The following CTTNBP2 variants were observed in gnomAD, a reference collection of about 807,000 sequenced individuals.
The protein encoded by CTTNBP2 is cortactin-binding protein 2.
CTTNBP2 carries 108 observed loss-of-function variants against 156.9 expected under a neutral mutation model. That is an observed-to-expected ratio of 0.69 (90% CI 0.59 to 0.81). CTTNBP2 has a LOEUF of 0.81. CTTNBP2 is among the 30% of genes least tolerant of loss of function. CTTNBP2 has a pLI of 0.00. For synonymous variants in CTTNBP2, 767 were observed against 751.8 expected, an observed-to-expected ratio of 1.02 and a Z score of -0.33; for missense variants, 1,924 against 2,035.4, an observed-to-expected ratio of 0.95 and a Z score of 1.05.
chr7:117,867,557 T>C (rs556782197), intron 1 of CTTNBP2, among the ~76,000 whole-genome samples: 1 of 152,094 alleles, frequency 6.6e-6, no homozygotes, highest in East Asian at 1.9e-4. Context: ...CCCCACCATA[T>C]ACACTTTGGG....
At chr7:117,798,070 G>A (rs954668326) in intron 3 of CTTNBP2, among the ~76,000 whole-genome samples, 2 of 151,978 alleles carry the variant, frequency 1.3e-5, no homozygotes, top group East Asian at 1.9e-4. Context: ...GACATATTAC[G>A]TACAGAGAAT....
chr7:117,770,497 T>C (rs1797743322), intron 8 of CTTNBP2, among the ~76,000 whole-genome samples: 1 of 152,180 alleles, frequency 6.6e-6, no homozygotes, highest in South Asian at 2.1e-4. Flanking sequence ...CAACAACTAT[T>C]TGAGCACATA....
At chr7:117,844,702 G>T (rs1419441877) in intron 2 of CTTNBP2, among the ~76,000 whole-genome samples, 6 of 152,152 alleles carry the variant, frequency 3.9e-5, no homozygotes, top group Admixed American at 3.9e-4. Context: ...CTGAATATGT[G>T]AGTGGGACAG....
At chr7:117,769,464 A>C (rs1797693181) in intron 8 of CTTNBP2, among the ~76,000 whole-genome samples, 1 of 152,188 alleles carries the variant, frequency 6.6e-6, no homozygotes, top group African/African-American at 2.4e-5. Context: ...GGCCCTGTTC[A>C]GGTTAGAGGG....
chr7:117,774,972 C>T (rs1488092231), intron 8 of CTTNBP2, among the ~76,000 whole-genome samples: 2 of 152,114 alleles, frequency 1.3e-5, no homozygotes, highest in Non-Finnish European at 2.9e-5. Context: ...GAAGAACTAT[C>T]TCAGCCAGAA....
chr7:117,826,645 A>G (rs1274853651), intron 2 of CTTNBP2, among the ~76,000 whole-genome samples: 1 of 152,038 alleles, frequency 6.6e-6, no homozygotes, highest in Non-Finnish European at 1.5e-5. Flanking sequence ...CCATTTTCTA[A>G]GCAATCCTAT....
chr7:117,846,654 T>TTCA (rs1563063514), intron 2 of CTTNBP2, among the ~76,000 whole-genome samples: 6 of 152,140 alleles, frequency 3.9e-5, no homozygotes, highest in Non-Finnish European at 7.4e-5. Flanking sequence ...AACATTTGAA[T>TTCA]TGCCTGTAAA....
rs1797761670 is a variant in CTTNBP2, at chr7:117,770,863, C to A, written c.2779-3687G>T. 3.3e-5 allele frequency among the ~76,000 whole-genome samples: 5 copies of A among 152,212 alleles called. No homozygotes were observed. In the South Asian group the frequency reaches 1.0e-3, roughly 32 times the overall value. ...TTCTGGAAATAGAGTCCCGGGGGCC[C>A]TAAACTGGGCACGATGTCCTACCCA... On this transcript the variant is annotated intron_variant, in intron 8 of 22. Transcript: ENST00000160373.
chr7:117,797,748 T>C (rs938483615), intron 3 of CTTNBP2, among the ~76,000 whole-genome samples: 3 of 149,874 alleles, frequency 2.0e-5, no homozygotes, highest in African/African-American at 5.0e-5. Context: ...AAGCAAGTAT[T>C]CGATTTGAAG....
At chr7:117,805,222 T>G (rs1584457710) in intron 3 of CTTNBP2, among the ~76,000 whole-genome samples, 1 of 152,294 alleles carries the variant, frequency 6.6e-6, no homozygotes, top group East Asian at 1.9e-4. Context: ...TGTTAAAATC[T>G]GTGTCTCTCA....
intron 9 of CTTNBP2, among the ~76,000 whole-genome samples, chr7:117,763,104 C>T (rs779775777): frequency 6.6e-6 from 1 of 152,162 alleles, no homozygotes; most frequent in Non-Finnish European, 1.5e-5. Flanking sequence ...TATCTCACCA[C>T]CTCACAATGC....
chr7:117,797,872 G>A (rs1477872913), intron 3 of CTTNBP2, among the ~76,000 whole-genome samples: 1 of 152,018 alleles, frequency 6.6e-6, no homozygotes, highest in African/African-American at 2.4e-5. Context: ...AAGACAGAAT[G>A]CAGAAGAAAA....
intron 1 of CTTNBP2, among the ~76,000 whole-genome samples, chr7:117,865,055 T>C (rs1224970182): frequency 6.6e-6 from 1 of 150,528 alleles, no homozygotes; most frequent in Non-Finnish European, 1.5e-5. Context: ...GAAAAAATAT[T>C]AAAGTTTCTT....
intron 11 of CTTNBP2, among the ~76,000 whole-genome samples, 181 bp from the exon 12 acceptor site, chr7:117,756,815 T>C (rs1243847841): frequency 6.6e-6 from 1 of 152,210 alleles, no homozygotes; most frequent in Non-Finnish European, 1.5e-5. Flanking sequence ...CACTTTGTTC[T>C]GGCTGATAAA....
At chr7:117,749,602 G>A (rs1366792850) in intron 12 of CTTNBP2, among the ~76,000 whole-genome samples, 1 of 152,168 alleles carries the variant, frequency 6.6e-6, no homozygotes, top group Non-Finnish European at 1.5e-5. Flanking sequence ...AGATGGATGT[G>A]GAAAGGACTC....
intron 2 of CTTNBP2, among the ~76,000 whole-genome samples, chr7:117,846,654 T>C (rs1563063510): frequency 1.3e-5 from 2 of 152,140 alleles, no homozygotes; most frequent in Admixed American, 1.3e-4. Flanking sequence ...AACATTTGAA[T>C]TGCCTGTAAA....
intron 2 of CTTNBP2, among the ~76,000 whole-genome samples, chr7:117,812,305 G>A (rs1048379760): frequency 6.6e-6 from 1 of 151,908 alleles, no homozygotes; most frequent in Admixed American, 6.6e-5. Flanking sequence ...CTATGTCACT[G>A]CCAGTAAAAA....
chr7:117,846,300 T>C (rs1229726526), intron 2 of CTTNBP2, among the ~76,000 whole-genome samples: 1 of 152,080 alleles, frequency 6.6e-6, no homozygotes, highest in East Asian at 1.9e-4. Flanking sequence ...CTAGAAACAC[T>C]AAAAATAGTT....
At chr7:117,865,012 T>C (rs1250499717) in intron 1 of CTTNBP2, among the ~76,000 whole-genome samples, 1 of 148,732 alleles carries the variant, frequency 6.7e-6, no homozygotes, top group African/African-American at 2.5e-5. Context: ...GCATTAATCT[T>C]AGATGCATAT....
Sources: gnomAD v4.1 joint callset for allele counts (sites outside exome capture counted in the v4.1 genomes callset) on GRCh38, gnomAD v4.1.1 for gene constraint, MANE v1.5 for transcripts, NCBI Gene and HGNC (gene_info 2026-07-23, HGNC 2026-07-21) for gene names.